Variants in RAB34 observed in about 807,000 individuals in gnomAD.
The protein encoded by RAB34 is RAB34, member RAS oncogene family, also known as ras-related protein Rab-34.
In RAB34, 33 loss-of-function variants were observed where a neutral mutation model predicts 39.0. That is an observed-to-expected ratio of 0.85 (90% CI 0.64 to 1.13). The LOEUF is 1.13. Among genes scored for constraint, RAB34 ranks in the 50% most tolerant of loss-of-function variants. The pLI is 0.00. For missense variants in RAB34, 289 were observed against 326.1 expected, an observed-to-expected ratio of 0.89 and a Z score of 0.88; for synonymous variants, 135 against 125.1, an observed-to-expected ratio of 1.08 and a Z score of -0.53.
intron 2 of RAB34, 101 bp from the exon 3 acceptor site, chr17:28,716,159 G>A (rs1490147565): frequency 1.9e-6 from 3 of 1,557,506 alleles, no homozygotes; most frequent in East Asian, 4.6e-5. Flanking sequence ...CTGCACCCAG[G>A]CTGAGGGTAT....
chr17:28,717,129 A>T, intron 1 of RAB34, 84 bp downstream of exon 1: 5 of 1,535,066 alleles, frequency 3.3e-6, no homozygotes, highest in South Asian at 1.2e-5. Flanking sequence ...GGCTGGGCCC[A>T]GTCCTCTAAC....
At position 28,717,480 on chromosome 17, in the gene RAB34, C is replaced by A; in HGVS notation, c.-214G>T. The A allele has an allele frequency of 6.9e-7, 1 of 1,441,870 alleles. No individual in the cohort carries two copies. Among genetic ancestry groups the A allele is most frequent in the Non-Finnish European group, 9.1e-7 (1 of 1,099,224 alleles). 89.3% of individuals were successfully genotyped at this position (1,441,870 alleles called of 1,614,324 possible). ...ACAATCACCCGGGGCCGCGGCGAGC[C>A]CAAAATCACCCGGGCCCTGGGCGTC... On this transcript the variant is annotated 5_prime_UTR_variant, in exon 1 of 10. Coordinates refer to ENST00000395245, the MANE Select transcript of RAB34 (RefSeq NM_031934.6).
chr17:28,716,082 G>A, intron 2 of RAB34, 24 bp from the exon 3 acceptor site: 1 of 1,613,482 alleles, frequency 6.2e-7, no homozygotes, highest in Non-Finnish European at 8.5e-7. Context: ...GAGTGGGCAA[G>A]GGGAGTGGGC....
chr17:28,715,988 C>T lies in RAB34; in HGVS notation c.212+5G>A. 1 of 1,614,036 alleles carries T rather than the reference C, an allele frequency of 6.2e-7. No homozygotes were observed. The highest frequency in any genetic ancestry group is 8.5e-7 in the Non-Finnish European group (1 of 1,179,988). Reference sequence around the variant, plus strand: ...CTGCCCAGCTCAGCTCCAGCACCCCCTTACCTATTAATGAGGCAAGTCTTC... The same window carrying T: ...CTGCCCAGCTCAGCTCCAGCACCCCTTTACCTATTAATGAGGCAAGTCTTC... On this transcript the variant is annotated splice_donor_5th_base_variant and intron_variant, in intron 3 of 9. Coordinates refer to ENST00000395245, the MANE Select transcript of RAB34 (RefSeq NM_031934.6).
Position 28,715,232 on chromosome 17 carries a change from A to T in RAB34, c.476T>A (p.Val159Glu). The T allele has an allele frequency of 6.2e-7, 1 of 1,613,986 alleles. No individual in the cohort carries two copies. Among genetic ancestry groups the T allele is most frequent in the Non-Finnish European group, 8.5e-7 (1 of 1,180,026 alleles). ...CTTGGAACCTACAAGGAAGAGAAGCACACTGGAAGGGTCATTCTCCTTCAG... is the reference window on the plus strand; with the variant it reads ...CTTGGAACCTACAAGGAAGAGAAGCTCACTGGAAGGGTCATTCTCCTTCAG... ...DALKENDPSS[V>E]LLFLVGSKKD... Residue 159 changes from valine to glutamate, a missense_variant, in exon 7 of 10, where the codon GTG becomes GAG. Val to Glu is a moderately radical substitution (Grantham distance 121). Coordinates refer to ENST00000395245, the MANE Select transcript of RAB34 (RefSeq NM_031934.6).
rs2151697778 is a variant in RAB34, at chr17:28,714,457, C to T, written c.*186G>A. 2 of 1,329,624 alleles carry T rather than the reference C, an allele frequency of 1.5e-6. No homozygotes were observed. The highest frequency in any genetic ancestry group is 2.5e-4 in the Middle Eastern group (1 of 3,958). 82.4% of individuals were successfully genotyped at this position (1,329,624 alleles called of 1,614,324 possible). A position where few individuals can be genotyped will look rare whatever the true frequency, so the allele number is the denominator to read the frequency against. On this transcript the variant is annotated 3_prime_UTR_variant, in exon 10 of 10. Coordinates refer to ENST00000395245, the MANE Select transcript of RAB34 (RefSeq NM_031934.6). ...GGAGTAGGGGGCATCCAGTCTTTGG[C>T]ACGGTGCCTGGGGGCAGGAAGTGAC...
chr17:28,717,982 C>A, upstream of RAB34: 1 of 1,292,126 alleles, frequency 7.7e-7, no homozygotes, highest in Non-Finnish European at 1.0e-6. Flanking sequence ...CTGCGTTGCC[C>A]CGCTCAGGCT....
In RAB34 at chr17:28,717,571, T is replaced by A; in HGVS notation, c.-305A>T. Reference sequence around the variant, plus strand: ...ATTGGGGGCGGGGAGTCCCGTCTGGTGGGGGCCGGGCCCGCGCAGACCCTA... The same window carrying A: ...ATTGGGGGCGGGGAGTCCCGTCTGGAGGGGGCCGGGCCCGCGCAGACCCTA... On this transcript the variant is annotated 5_prime_UTR_variant, in exon 1 of 10. Transcript: ENST00000395245. The A allele has an allele frequency of 7.1e-7, 1 of 1,416,798 alleles. No individual in the cohort carries two copies. Among genetic ancestry groups the A allele is most frequent in the East Asian group, 2.7e-5 (1 of 37,364 alleles). 87.8% of individuals were successfully genotyped at this position (1,416,798 alleles called of 1,614,324 possible). A position where few individuals can be genotyped will look rare whatever the true frequency, so the allele number is the denominator to read the frequency against.
At chr17:28,716,855 A>G in intron 2 of RAB34, 48 bp downstream of exon 2, 2 of 1,586,406 alleles carry the variant, frequency 1.3e-6, no homozygotes, top group Non-Finnish European at 1.7e-6. Context: ...CTATGACTAC[A>G]GAGTTTCCTG....
In RAB34 at chr17:28,714,457, C is replaced by A; in HGVS notation, c.*186G>T. ...GGAGTAGGGGGCATCCAGTCTTTGG[C>A]ACGGTGCCTGGGGGCAGGAAGTGAC... On this transcript the variant is annotated 3_prime_UTR_variant, in exon 10 of 10. Coordinates refer to ENST00000395245, the MANE Select transcript of RAB34 (RefSeq NM_031934.6). 1 of 1,329,620 alleles carries A rather than the reference C, an allele frequency of 7.5e-7. No individual in the cohort carries two copies. Among genetic ancestry groups the A allele is most frequent in the South Asian group, 1.2e-5 (1 of 81,870 alleles). 82.4% of individuals were successfully genotyped at this position (1,329,620 alleles called of 1,614,324 possible). A position where few individuals can be genotyped will look rare whatever the true frequency, so the allele number is the denominator to read the frequency against.
chr17:28,716,693 G>A, intron 2 of RAB34: 1 of 529,676 alleles, frequency 1.9e-6, no homozygotes, highest in Non-Finnish European at 3.2e-6. Context: ...CAGAAATCCA[G>A]CTGCCACCCT....
Position 28,717,452 on chromosome 17 carries a change from G to T in RAB34, c.-186C>A. 6.8e-7 allele frequency: 1 copy of T among 1,472,774 alleles called. No individual in the cohort carries two copies. Among genetic ancestry groups the T allele is most frequent in the South Asian group, 1.3e-5 (1 of 77,714 alleles). The allele number at this position is 1,472,774 out of a possible 1,614,324, so 91.2% of individuals were successfully genotyped here. ...TACGACCACCGCGGGCCACGGAGAT[G>T]AAACAATCACCCGGGGCCGCGGCGA... is the stretch of plus-strand genomic sequence containing the variant. On this transcript the variant is annotated 5_prime_UTR_variant, in exon 1 of 10. An upstream open reading frame in the 5' UTR gains an earlier in-frame stop. Transcript: ENST00000395245.
chr17:28,715,737 G>A (rs1254828570), intron 4 of RAB34, 32 bp from the exon 5 acceptor site: 1 of 1,613,764 alleles, frequency 6.2e-7, no homozygotes, highest in South Asian at 1.1e-5. Flanking sequence ...GCACAGGTAT[G>A]TATCTTGGGG....
Position 28,715,048 on chromosome 17 carries a change from T to C in RAB34, c.588A>G (p.Ala196=). 6.2e-7 allele frequency: 1 copy of C among 1,613,990 alleles called. No individual in the cohort carries two copies. Among genetic ancestry groups the C allele is most frequent in the South Asian group, 1.1e-5 (1 of 91,082 alleles). The stretch of plus-strand genomic sequence containing the variant: ...CCAACTCACCAGTGAGAGATGAGAC[T>C]GCCCAGTACTCAGCCTTCATCTCCT... ...VAQEMKAEYW[A]VSSLTGENVR... Residue 196 remains alanine (A), a synonymous_variant, in exon 8 of 10, where the codon GCA becomes GCG. Coordinates refer to ENST00000395245, the MANE Select transcript of RAB34 (RefSeq NM_031934.6).
chr17:28,714,928 G>A (rs2033083637), intron 8 of RAB34, 28 bp from the exon 9 acceptor site: 4 of 1,605,612 alleles, frequency 2.5e-6, no homozygotes, highest in African/African-American at 1.3e-5. Flanking sequence ...TAGGTGCTCA[G>A]GGGCAGTGCT....
chr17:28,717,235 C>A lies in RAB34; in HGVS notation c.32G>T (p.Arg11Leu). Reference protein sequence around the residue: MNILAPVRRDRVLAELPQCLR... With the variant: MNILAPVRRDLVLAELPQCLR... ...TACCTGGGGCAGCTCCGCCAGGACG[C>A]GATCCCTCCGCACGGGTGCCAGAAT... Residue 11 changes from arginine to leucine, a missense_variant, in exon 1 of 10, where the codon CGC (arginine) becomes CTC (leucine). Transcript: ENST00000395245. The A allele has an allele frequency of 6.2e-7, 1 of 1,606,118 alleles. No individual in the cohort carries two copies.
intron 2 of RAB34, chr17:28,716,369 C>T (rs1302562680): frequency 8.0e-6 from 3 of 372,922 alleles, no homozygotes; most frequent in Non-Finnish European, 1.5e-5. Flanking sequence ...TTTACTGGGT[C>T]GTTGTGAAGG....
chr17:28,716,666 A>G, intron 2 of RAB34: 1 of 440,870 alleles, frequency 2.3e-6, no homozygotes, highest in Non-Finnish European at 4.0e-6. Flanking sequence ...CCCATTTCAG[A>G]CACCTTAGTC....
chr17:28,714,818 C>A lies in RAB34; in HGVS notation c.687G>T (p.Gly229=). Residue 229 remains glycine, a synonymous_variant, in exon 9 of 10, where the codon GGG becomes GGT. Transcript: ENST00000395245. The part of the protein sequence containing the change: ...ANVLAELEKS[G]ARRIGDVVRI... ...GGACAACATCCCCAATGCGTCGAGCCCCCGATTTCTCCAGCTCAGCCAGCA... is the reference window on the plus strand; with the variant it reads ...GGACAACATCCCCAATGCGTCGAGCACCCGATTTCTCCAGCTCAGCCAGCA... 6.2e-7 allele frequency: 1 copy of A among 1,614,152 alleles called. No individual in the cohort carries two copies. Among genetic ancestry groups the A allele is most frequent in the Non-Finnish European group, 8.5e-7 (1 of 1,180,024 alleles).
Sources: gnomAD v4.1 joint callset for allele counts on GRCh38, gnomAD v4.1.1 for gene constraint, MANE v1.5 for transcripts, NCBI Gene and HGNC (gene_info 2026-07-23, HGNC 2026-07-21) for gene names.